ADAM32: variants seen among roughly 807,000 people sequenced by gnomAD.
ADAM32 encodes the protein ADAM metallopeptidase domain 32.
Under a neutral mutation model 114.9 loss-of-function variants are expected in ADAM32, and 89 were observed. That is an observed-to-expected ratio of 0.77 (90% CI 0.65 to 0.92). ADAM32 has a LOEUF of 0.92. Ranked by LOEUF, ADAM32 falls within the 40% of genes least tolerant of loss-of-function variation. ADAM32 has a pLI of 0.00. For synonymous variants in ADAM32, 285 were observed against 307.5 expected (o/e 0.93, Z 0.77); for missense variants, 870 against 932.8 (o/e 0.93, Z 0.88).
At chr8:39,270,561 T>G (rs1812647421) in intron 19 of ADAM32, among the ~76,000 whole-genome samples, 1 of 152,212 alleles carries the variant, frequency 6.6e-6, no homozygotes. Flanking sequence ...AGTTGGATTA[T>G]GAAGGTCAGA....
chr8:39,137,889 A>G (rs956446243), intron 3 of ADAM32, among the ~76,000 whole-genome samples: 2 of 152,190 alleles, frequency 1.3e-5, no homozygotes, highest in African/African-American at 4.8e-5. Context: ...ATGGTGGATG[A>G]TAACGCAAAG....
intron 11 of ADAM32, among the ~76,000 whole-genome samples, chr8:39,199,766 C>T (rs1338560275): frequency 6.6e-6 from 1 of 151,116 alleles, no homozygotes; most frequent in Non-Finnish European, 1.5e-5. Flanking sequence ...TGCTATCCCC[C>T]CCACCACCCC....
chr8:39,158,310 T>G, intron 6 of ADAM32: 1 of 174,654 alleles, frequency 5.7e-6, no homozygotes, highest in Non-Finnish European at 1.2e-5. Context: ...TTGCAGTACT[T>G]GGTAAAAGCC....
At chr8:39,166,340 A>T (rs1804835986) in intron 9 of ADAM32, 1 of 152,238 alleles carries the variant, frequency 6.6e-6, no homozygotes. Context: ...AATAGTCTCC[A>T]ATCTCATCCA....
chr8:39,110,148 C>G (rs529556298), intron 1 of ADAM32, among the ~76,000 whole-genome samples: 7 of 152,262 alleles, frequency 4.6e-5, no homozygotes, highest in Admixed American at 2.6e-4. Flanking sequence ...TGGCTCACTG[C>G]AAACTCCGCC....
chr8:39,157,421 G>T, intron 6 of ADAM32: 1 of 229,278 alleles, frequency 4.4e-6, no homozygotes, highest in Non-Finnish European at 8.6e-6. Context: ...TCTTATTTAT[G>T]AGCTTGATGG....
intron 17 of ADAM32, among the ~76,000 whole-genome samples, chr8:39,251,868 G>T (rs1265925832): frequency 1.3e-5 from 2 of 151,692 alleles, no homozygotes; most frequent in African/African-American, 4.8e-5. Flanking sequence ...TTTAAGTCTT[G>T]AATACATTTT....
At position 39,232,026 on chromosome 8, in the gene ADAM32, G is replaced by C; in HGVS notation, c.1526-1G>C. The C allele has an allele frequency of 3.1e-6, 5 of 1,605,072 alleles. No individual in the cohort carries two copies. Among genetic ancestry groups the C allele is most frequent in the Non-Finnish European group, 4.3e-6 (5 of 1,174,502 alleles). On this transcript the variant is annotated splice_acceptor_variant, in intron 14 of 24. Coordinates refer to ENST00000379907, the MANE Select transcript of ADAM32 (RefSeq NM_145004.7). LOFTEE classifies it high-confidence loss of function. The stretch of plus-strand genomic sequence containing the variant: ...TCCAAATGTATTTCTAACTTTAACA[G>C]GTTCAAGAAATGCTCCATTTGCCTG...
At chr8:39,222,198 G>A (rs1323714776) in intron 13 of ADAM32, among the ~76,000 whole-genome samples, 1 of 151,916 alleles carries the variant, frequency 6.6e-6, no homozygotes, top group South Asian at 2.1e-4. Flanking sequence ...TAAAGATTAT[G>A]TTTTAGTTTA....
At chr8:39,227,913 C>T (rs981081980) in intron 14 of ADAM32, among the ~76,000 whole-genome samples, 2 of 152,194 alleles carry the variant, frequency 1.3e-5, no homozygotes, top group Admixed American at 6.5e-5. Flanking sequence ...GCTAAGAACC[C>T]TCATGGAGTC....
chr8:39,115,052 AT>A (rs567847193), intron 1 of ADAM32, among the ~76,000 whole-genome samples: 8 of 152,260 alleles, frequency 5.3e-5, no homozygotes, highest in South Asian at 2.1e-4. Context: ...ACGTGATTTC[AT>A]TTTTTTATGG....
intron 16 of ADAM32, among the ~76,000 whole-genome samples, chr8:39,234,307 A>T (rs1446166136): frequency 6.7e-6 from 1 of 148,256 alleles, no homozygotes; most frequent in Non-Finnish European, 1.5e-5. Flanking sequence ...GAGCAAGGAA[A>T]CTCCAAATAT....
chr8:39,282,381 C>T (rs574901823), intron 23 of ADAM32, among the ~76,000 whole-genome samples: 3 of 152,306 alleles, frequency 2.0e-5, no homozygotes, highest in South Asian at 2.1e-4. Flanking sequence ...TGTCCCCTTA[C>T]ATTATCTCTC....
At chr8:39,136,151 A>G (rs748938676) in intron 2 of ADAM32, among the ~76,000 whole-genome samples, 2 of 152,184 alleles carry the variant, frequency 1.3e-5, no homozygotes, top group Admixed American at 6.5e-5. Context: ...ACCTATTGTC[A>G]TCCATATTCT....
At chr8:39,235,825 A>C (rs1240212584) in intron 16 of ADAM32, among the ~76,000 whole-genome samples, 2 of 152,260 alleles carry the variant, frequency 1.3e-5, no homozygotes, top group Middle Eastern at 3.4e-3. Context: ...CAGCGAGAAG[A>C]CTCAACATAT....
In ADAM32 at chr8:39,193,540, G is replaced by A. The variant is rs143528228; in HGVS notation, c.1052+6495G>A. On this transcript the variant is annotated intron_variant, in intron 11 of 24. Coordinates refer to ENST00000379907, the MANE Select transcript of ADAM32 (RefSeq NM_145004.7). ...ACCTTGGTTAATAACCCTTGCTGGA[G>A]TACTAGTTTGGTGTTTGGAGGAAAG... Among the ~76,000 whole-genome samples the A allele has an allele frequency of 2.3e-3, 350 of 152,278 alleles. 4 individuals carry two copies. Among genetic ancestry groups the A allele is most frequent in the Middle Eastern group, 6.8e-3 (2 of 294 alleles).
At chr8:39,187,069 T>G (rs1251416437) in intron 11 of ADAM32, 24 bp downstream of exon 11, 1 of 1,568,420 alleles carries the variant, frequency 6.4e-7, no homozygotes, top group African/African-American at 1.4e-5. Flanking sequence ...ATTTATTTAT[T>G]GCTTATGTTT....
chr8:39,168,249 G>C (rs1296085425), intron 9 of ADAM32: 1 of 152,172 alleles, frequency 6.6e-6, no homozygotes, highest in Non-Finnish European at 1.5e-5. Context: ...CAGGGGCCCT[G>C]AACTTCTAGA....
rs557503218 is a variant in ADAM32 at position 39,228,834 on chromosome 8, C to A, written c.1526-3193C>A. On this transcript the variant is annotated intron_variant, in intron 14 of 24. Transcript: ENST00000379907. ...CCAAATACAAGAAGCACAAGGAACACCTGGGAAATTCATTACAAAAAGATC... is the reference window on the plus strand; with the variant it reads ...CCAAATACAAGAAGCACAAGGAACAACTGGGAAATTCATTACAAAAAGATC... Among the ~76,000 whole-genome samples, 3 of 152,286 alleles carry A rather than the reference C, an allele frequency of 2.0e-5. No homozygotes were observed. The East Asian group carries it at 5.8e-4, about 29-fold the overall frequency.
Sources: gnomAD v4.1 joint callset for allele counts (sites outside exome capture counted in the v4.1 genomes callset) on GRCh38, gnomAD v4.1.1 for gene constraint, MANE v1.5 for transcripts, NCBI Gene and HGNC (gene_info 2026-07-23, HGNC 2026-07-21) for gene names.